The following ABAT variants were observed in gnomAD, a reference collection of about 807,000 sequenced individuals.
ABAT encodes 4-aminobutyrate aminotransferase.
A neutral mutation model predicts 64.6 loss-of-function variants in ABAT; 45 were observed. The ratio of observed to expected loss-of-function variants is 0.70; its 90% CI spans 0.55 to 0.89. ABAT has a LOEUF of 0.89. Among genes scored for constraint, ABAT ranks in the 40% least tolerant of loss-of-function variants. ABAT has a pLI of 0.00. For synonymous variants in ABAT, 297 were observed against 250.5 expected (o/e 1.19, Z -1.75); for missense variants, 633 against 658.4 (o/e 0.96, Z 0.42).
At chr16:8,675,296 C>G (rs1036201921) in intron 1 of ABAT, among the ~76,000 whole-genome samples, 1 of 152,094 alleles carries the variant, frequency 6.6e-6, no homozygotes, top group Non-Finnish European at 1.5e-5. Flanking sequence ...CCCTACCCGT[C>G]AGAGAGGCAG....
At chr16:8,687,599 G>T (rs1378009717) in intron 1 of ABAT, among the ~76,000 whole-genome samples, 3 of 152,214 alleles carry the variant, frequency 2.0e-5, no homozygotes, top group Non-Finnish European at 4.4e-5. Flanking sequence ...CCTTCCAGCA[G>T]CAGCCACCTG....
intron 1 of ABAT, among the ~76,000 whole-genome samples, chr16:8,709,555 G>A (rs1371087720): frequency 6.6e-6 from 1 of 152,046 alleles, no homozygotes; most frequent in African/African-American, 2.4e-5. Flanking sequence ...TGTATTTTCA[G>A]TAGAGACGGG....
Position 8,774,890 on chromosome 16 carries a change from C to T in ABAT, c.955C>T (p.His319Tyr). 6.2e-7 allele frequency: 1 copy of T among 1,613,998 alleles called. No individual in the cohort carries two copies. The highest frequency in any genetic ancestry group is 8.5e-7 in the Non-Finnish European group (1 of 1,180,034). The change falls in exon 13 of 16, where the codon CAT (histidine) becomes TAT (tyrosine). Residue 319 changes from histidine to tyrosine, a missense_variant and splice_region_variant. His to Tyr is a moderately conservative substitution (Grantham distance 83, BLOSUM62 2). Transcript: ENST00000268251. ...FRKLRDIARK[H>Y]GCAFLVDEVQ... is the part of the protein sequence containing the mutation. ...TCCCTCCTCTCTCTTCTCCGGCCAG[C>T]ATGGCTGCGCCTTCTTGGTGGACGA... is the stretch of plus-strand genomic sequence containing the variant.
At chr16:8,757,320 A>G in intron 5 of ABAT, 2 of 365,534 alleles carry the variant, frequency 5.5e-6, no homozygotes, top group Non-Finnish European at 1.1e-5. Flanking sequence ...GGCACGTGCT[A>G]CCTCGCCCGG....
chr16:8,694,274 C>T (rs888272306), intron 1 of ABAT, among the ~76,000 whole-genome samples: 5 of 151,974 alleles, frequency 3.3e-5, no homozygotes, highest in Admixed American at 2.6e-4. Flanking sequence ...CCGCCCGCCT[C>T]GGCCTTCCAA....
chr16:8,772,005 T>A (rs1276444521), intron 11 of ABAT, among the ~76,000 whole-genome samples: 1 of 152,084 alleles, frequency 6.6e-6, no homozygotes, highest in East Asian at 1.9e-4. Context: ...CCTCAAGGTA[T>A]CCTCCTGCCT....
intron 4 of ABAT, among the ~76,000 whole-genome samples, chr16:8,750,107 T>A (rs1452759970): frequency 6.6e-6 from 1 of 152,254 alleles, no homozygotes; most frequent in Non-Finnish European, 1.5e-5. Flanking sequence ...TAGTTTTCTT[T>A]GAGTTTGCTC....
intron 1 of ABAT, among the ~76,000 whole-genome samples, chr16:8,727,101 G>C (rs1731078): frequency 0.99 from 151,025 of 152,316 alleles, 74,889 homozygotes; most frequent in Middle Eastern, 1. Flanking sequence ...AATCCCTTGT[G>C]AGAGGAGTAG....
chr16:8,757,621 A>T, intron 5 of ABAT, 136 bp from the exon 6 acceptor site: 4 of 988,202 alleles, frequency 4.0e-6, no homozygotes, highest in Non-Finnish European at 6.3e-6. Context: ...CTTTTTGTCA[A>T]CAAAGGATAA....
intron 1 of ABAT, chr16:8,722,738 A>G: frequency 8.9e-7 from 1 of 1,129,676 alleles, no homozygotes; most frequent in Non-Finnish European, 1.2e-6. Context: ...CCTTCTAACC[A>G]GGAATCCTTC....
At chr16:8,740,678 G>A (rs975444695) in intron 2 of ABAT, among the ~76,000 whole-genome samples, 1 of 152,202 alleles carries the variant, frequency 6.6e-6, no homozygotes, top group East Asian at 1.9e-4. Flanking sequence ...ATCTGACATG[G>A]TGTTCCCAAT....
Position 8,776,976 on chromosome 16 carries a change from G to A in ABAT, c.1269+486G>A, listed in dbSNP as rs957432527. ...TGCAGTGGCGCAATCTCAGCTCACCGCAACCGCTGCCTCCTGGGTTCAGGA... is the reference window on the plus strand; with the variant it reads ...TGCAGTGGCGCAATCTCAGCTCACCACAACCGCTGCCTCCTGGGTTCAGGA... On this transcript the variant is annotated intron_variant, in intron 14 of 15. Coordinates refer to ENST00000268251, the MANE Select transcript of ABAT (RefSeq NM_020686.6). The surrounding 1 kb of genome is among the most constrained non-coding windows in gnomAD (Gnocchi z 4.4). Among the ~76,000 whole-genome samples, 5 of 152,054 alleles carry A rather than the reference G, an allele frequency of 3.3e-5. No individual in the cohort carries two copies. Among genetic ancestry groups the A allele is most frequent in the East Asian group, 1.9e-4 (1 of 5,180 alleles).
chr16:8,685,565 A>T (rs901422005), intron 1 of ABAT, among the ~76,000 whole-genome samples: 5 of 151,902 alleles, frequency 3.3e-5, no homozygotes, highest in African/African-American at 1.2e-4. Flanking sequence ...AGTCCCAACT[A>T]CTTGGGAGGC....
chr16:8,706,230 T>TA (rs1310580141), intron 1 of ABAT, among the ~76,000 whole-genome samples: 3,868 of 137,102 alleles, frequency 0.028, 58 homozygotes, highest in Non-Finnish European at 0.036. Context: ...TCTGTCTCTA[T>TA]AAAAAAAAAT....
At chr16:8,710,727 A>AGAGAGAGAGAGAGGGAGGGAGG (rs146344975) in intron 1 of ABAT, among the ~76,000 whole-genome samples, 1 of 103,700 alleles carries the variant, frequency 9.6e-6, no homozygotes, top group Non-Finnish European at 2.1e-5. Flanking sequence ...AGAGAGAGAG[A>AGAGAGAGAGAGAGGGAGGGAGG]GAGGAAATAG....
chr16:8,705,259 G>GGA (rs956254328), intron 1 of ABAT, among the ~76,000 whole-genome samples: 17 of 151,058 alleles, frequency 1.1e-4, no homozygotes, highest in Admixed American at 3.3e-4. Context: ...CAAGGTGGCA[G>GGA]GAGAGAGAGA....
At chr16:8,710,712 G>GAC (rs2058048767) in intron 1 of ABAT, among the ~76,000 whole-genome samples, 1 of 146,158 alleles carries the variant, frequency 6.8e-6, no homozygotes, top group Admixed American at 6.9e-5. Flanking sequence ...GAGAGAGAGA[G>GAC]AGAGAGAGAG....
At chr16:8,754,430 G>C (rs2059583707) in intron 5 of ABAT, among the ~76,000 whole-genome samples, 1 of 152,094 alleles carries the variant, frequency 6.6e-6, no homozygotes, top group African/African-American at 2.4e-5. Flanking sequence ...AGAAGGAAGA[G>C]GGGGTGGTCT....
chr16:8,743,871 A>C (rs2059253651), intron 2 of ABAT, among the ~76,000 whole-genome samples: 1 of 152,206 alleles, frequency 6.6e-6, no homozygotes, highest in South Asian at 2.1e-4. Context: ...TAGTACCAGG[A>C]AGGTGAAAGA....
Sources: allele counts gnomAD v4.1 joint callset (sites outside exome capture counted in the v4.1 genomes callset), GRCh38; gene constraint gnomAD v4.1.1; non-coding constraint Gnocchi (gnomAD v3.1); transcripts MANE v1.5; gene names NCBI Gene and HGNC (gene_info 2026-07-23, HGNC 2026-07-21).